Variants in DCAF8L2 observed in about 807,000 individuals in gnomAD.
The protein encoded by DCAF8L2 is DDB1 and CUL4 associated factor 8 like 2.
For synonymous variants in DCAF8L2, 200 were observed against 190.9 expected (o/e 1.05, Z -0.39); for missense variants, 430 against 490.7 (o/e 0.88, Z 1.17).
chrX:27,687,171 G>A (rs1930540981), intron 3 of DCAF8L2, among the ~76,000 whole-genome samples: 1 of 111,825 alleles, frequency 8.9e-6, no homozygotes, highest in African/African-American at 3.2e-5. Flanking sequence ...AAAATATCTT[G>A]TGTAGCCTAT....
chrX:27,739,104 T>C (rs1306152150), intron 4 of DCAF8L2, among the ~76,000 whole-genome samples: 1 of 111,090 alleles, frequency 9.0e-6, no homozygotes, highest in Non-Finnish European at 1.9e-5. Context: ...TAAATCTGAT[T>C]TAAAAAAAAA....
intron 4 of DCAF8L2, among the ~76,000 whole-genome samples, chrX:27,732,915 G>C (rs1385035069): frequency 9.0e-6 from 1 of 110,991 alleles, no homozygotes; most frequent in Non-Finnish European, 1.9e-5. Context: ...CTGGAGTGTA[G>C]TGTGCAACCT....
the DCAF8L2 span, among the ~76,000 whole-genome samples, chrX:27,528,593 A>G: frequency 2.8e-5 from 3 of 108,463 alleles, no homozygotes; most frequent in Admixed American, 1.0e-4. Flanking sequence ...TTTAAAACTG[A>G]AGTGAAAAAT....
At chrX:27,616,301 C>A (rs1927472046) in intron 1 of DCAF8L2, among the ~76,000 whole-genome samples, 1 of 110,251 alleles carries the variant, frequency 9.1e-6, no homozygotes, top group African/African-American at 3.3e-5. Context: ...AGTGAATAAT[C>A]CTCTCTTAGA....
chrX:27,543,810 G>A, the DCAF8L2 span, among the ~76,000 whole-genome samples: 2 of 111,634 alleles, frequency 1.8e-5, no homozygotes, highest in South Asian at 7.6e-4. Context: ...TGAGACAGGA[G>A]GGCAAGAGAT....
At chrX:27,506,690 T>A in the DCAF8L2 span, among the ~76,000 whole-genome samples, 2 of 111,244 alleles carry the variant, frequency 1.8e-5, no homozygotes, top group Non-Finnish European at 3.8e-5. Flanking sequence ...TTCCCTTTTC[T>A]TTTTATTTAT....
the DCAF8L2 span, among the ~76,000 whole-genome samples, chrX:27,529,486 T>C: frequency 8.9e-6 from 1 of 111,848 alleles, no homozygotes; most frequent in Non-Finnish European, 1.9e-5. Context: ...TAATGAGTGT[T>C]GGTTGCTGTT....
chrX:27,711,377 A>ATGTG (rs758790378), intron 3 of DCAF8L2, among the ~76,000 whole-genome samples: 3 of 96,352 alleles, frequency 3.1e-5, no homozygotes, highest in African/African-American at 1.2e-4. Context: ...CTACATCTAT[A>ATGTG]TGTGTGTGTG....
At chrX:27,533,314 G>A in the DCAF8L2 span, among the ~76,000 whole-genome samples, 1 of 109,469 alleles carries the variant, frequency 9.1e-6, no homozygotes, top group Admixed American at 9.9e-5. Flanking sequence ...CCTGGGGCAG[G>A]AGGATCACTT....
chrX:27,744,676 G>T (rs767301481), intron 4 of DCAF8L2, among the ~76,000 whole-genome samples: 7 of 111,832 alleles, frequency 6.3e-5, no homozygotes, highest in Non-Finnish European at 1.3e-4. Flanking sequence ...GGAGGTGTTT[G>T]GATCATGGGG....
chrX:27,492,389 G>T, the DCAF8L2 span, among the ~76,000 whole-genome samples: 1 of 111,388 alleles, frequency 9.0e-6, no homozygotes, highest in Non-Finnish European at 1.9e-5. Context: ...CTATGTTTGG[G>T]TCGACCTAAG....
At chrX:27,575,463 A>G in the DCAF8L2 span, among the ~76,000 whole-genome samples, 4 of 110,863 alleles carry the variant, frequency 3.6e-5, no homozygotes, top group Admixed American at 9.6e-5. Flanking sequence ...GCCAGGGACT[A>G]TGCCTTCCTC....
chrX:27,598,968 A>AT (rs1555917067), intron 1 of DCAF8L2, among the ~76,000 whole-genome samples: 4 of 81,245 alleles, frequency 4.9e-5, no homozygotes, highest in South Asian at 8.2e-4. Flanking sequence ...CTCAAAAAAA[A>AT]AAAAAAATAT....
intron 4 of DCAF8L2, among the ~76,000 whole-genome samples, chrX:27,728,617 T>A (rs1228298471): frequency 1.8e-5 from 2 of 111,279 alleles, no homozygotes; most frequent in Non-Finnish European, 3.8e-5. Context: ...CCTGTGCTAG[T>A]TTTCAATCAC....
chrX:27,528,898 T>C, the DCAF8L2 span, among the ~76,000 whole-genome samples: 1 of 111,737 alleles, frequency 8.9e-6, no homozygotes, highest in Admixed American at 9.6e-5. Context: ...TAACAACTAG[T>C]GCAATTGTAT....
chrX:27,534,518 C>G, the DCAF8L2 span, among the ~76,000 whole-genome samples: 3 of 112,048 alleles, frequency 2.7e-5, no homozygotes, highest in Non-Finnish European at 5.6e-5. Flanking sequence ...TGCTCTAAGC[C>G]TGAATTATAT....
the DCAF8L2 span, among the ~76,000 whole-genome samples, chrX:27,497,549 C>CTTCTTTCT: frequency 2.8e-3 from 182 of 64,420 alleles, 3 homozygotes; most frequent in African/African-American, 0.013. Context: ...TCCTTCCTTC[C>CTTCTTTCT]TTCTTTCTTT....
the DCAF8L2 span, among the ~76,000 whole-genome samples, chrX:27,563,812 T>C: frequency 8.9e-6 from 1 of 112,357 alleles, no homozygotes; most frequent in Non-Finnish European, 1.9e-5. Context: ...CACACTTATA[T>C]ATTGCTTACT....
At chrX:27,648,909 G>A (rs896760762) in intron 2 of DCAF8L2, among the ~76,000 whole-genome samples, 1 of 112,060 alleles carries the variant, frequency 8.9e-6, no homozygotes, top group African/African-American at 3.2e-5. Context: ...TGGCTGGCAA[G>A]TGGGTTAGTA....
Sources: allele counts gnomAD v4.1 joint callset (sites outside exome capture counted in the v4.1 genomes callset), GRCh38; gene constraint gnomAD v4.1.1; transcripts MANE v1.5; gene names NCBI Gene and HGNC (gene_info 2026-07-23, HGNC 2026-07-21).